MYO18B: variants seen among roughly 807,000 people sequenced by gnomAD.
The protein encoded by MYO18B is unconventional myosin-XVIIIb.
In MYO18B, 204 loss-of-function variants were observed where a neutral mutation model predicts 273.0. The observed-to-expected ratio is 0.75, with a 90% CI of 0.67 to 0.84. The LOEUF (loss-of-function observed/expected upper bound fraction) is 0.84. Ranked by LOEUF, MYO18B falls within the 40% of genes least tolerant of loss-of-function variation. MYO18B has a pLI of 0.00. For missense variants in MYO18B, 3,212 were observed against 3,287.6 expected (o/e 0.98, Z 0.56); for synonymous variants, 1,330 against 1,305.7 (o/e 1.02, Z -0.40).
At chr22:26,034,861 AG>A (rs1386347627), downstream of MYO18B, among the ~76,000 whole-genome samples, 1 of 152,254 alleles carries the variant, frequency 6.6e-6, no homozygotes, top group African/African-American at 2.4e-5. Flanking sequence ...AGCTGAGTTT[AG>A]AACTCAACAT....
intron 1 of MYO18B, among the ~76,000 whole-genome samples, chr22:25,754,418 G>A (rs1171490138): frequency 1.3e-5 from 2 of 152,156 alleles, no homozygotes; most frequent in Admixed American, 6.5e-5. Context: ...TATTCTATGA[G>A]ACAGGTGCTA....
intron 39 of MYO18B, among the ~76,000 whole-genome samples, chr22:25,956,960 G>A (rs942666510): frequency 6.6e-6 from 1 of 152,192 alleles, no homozygotes; most frequent in Non-Finnish European, 1.5e-5. Flanking sequence ...TGAGGGGGCA[G>A]TAAGGCACCG....
chr22:26,041,107 A>G, the MYO18B span, among the ~76,000 whole-genome samples: 1 of 152,232 alleles, frequency 6.6e-6, no homozygotes, highest in East Asian at 1.9e-4. Context: ...GTGGCCCAAC[A>G]GAAACTCATA....
At chr22:26,055,559 A>G in the MYO18B span, among the ~76,000 whole-genome samples, 4 of 152,194 alleles carry the variant, frequency 2.6e-5, no homozygotes, top group African/African-American at 9.7e-5. Flanking sequence ...ACTGGAGGGG[A>G]AAAGCCATCG....
chr22:26,025,537 G>C (rs1288547645), intron 42 of MYO18B, among the ~76,000 whole-genome samples: 1 of 152,172 alleles, frequency 6.6e-6, no homozygotes, highest in African/African-American at 2.4e-5. Context: ...CTTCAGGCCT[G>C]AGCCCACAGT....
At chr22:25,886,472 A>C (rs894747876) in intron 25 of MYO18B, among the ~76,000 whole-genome samples, 1 of 152,146 alleles carries the variant, frequency 6.6e-6, no homozygotes, top group Non-Finnish European at 1.5e-5. Context: ...CCCTGTATCT[A>C]CTGCCTCATT....
At chr22:25,939,020 G>T (rs532113505) in intron 34 of MYO18B, among the ~76,000 whole-genome samples, 1 of 152,294 alleles carries the variant, frequency 6.6e-6, no homozygotes, top group Admixed American at 6.5e-5. Flanking sequence ...TAGCTATGGT[G>T]CCTAGGCTGG....
intron 12 of MYO18B, among the ~76,000 whole-genome samples, chr22:25,817,819 T>TGATATGATACAA: frequency 6.6e-6 from 1 of 152,204 alleles, no homozygotes; most frequent in African/African-American, 2.4e-5. Context: ...TGATACAATA[T>TGATATGATACAA]TCATTTATTT....
At chr22:25,963,167 C>CTG (rs1555968895) in intron 39 of MYO18B, among the ~76,000 whole-genome samples, 1 of 147,702 alleles carries the variant, frequency 6.8e-6, no homozygotes, top group Admixed American at 6.8e-5. Flanking sequence ...TCTCCTCTCT[C>CTG]TCTCTCTCTC....
chr22:25,817,499 CTT>C (rs2089086827), intron 12 of MYO18B, among the ~76,000 whole-genome samples: 1 of 147,372 alleles, frequency 6.8e-6, no homozygotes, highest in South Asian at 2.2e-4. Flanking sequence ...TCTCATTTCT[CTT>C]TTGTTTGTTC....
At chr22:26,046,680 A>G in the MYO18B span, among the ~76,000 whole-genome samples, 3 of 152,218 alleles carry the variant, frequency 2.0e-5, no homozygotes, top group Non-Finnish European at 4.4e-5. Context: ...CCCAATAGCC[A>G]AAGCGATTTT....
intron 12 of MYO18B, among the ~76,000 whole-genome samples, chr22:25,811,618 C>T (rs563271792): frequency 3.3e-5 from 5 of 152,264 alleles, no homozygotes; most frequent in Admixed American, 2.0e-4. Context: ...GTTCTATGCC[C>T]TTTGCTTTTT....
intron 40 of MYO18B, among the ~76,000 whole-genome samples, chr22:25,996,914 T>G (rs1933313314): frequency 6.6e-6 from 1 of 152,138 alleles, no homozygotes; most frequent in Non-Finnish European, 1.5e-5. Flanking sequence ...TCTCCTACCT[T>G]TCTTCTCCTC....
At chr22:25,808,343 T>C (rs1396586237) in intron 12 of MYO18B, among the ~76,000 whole-genome samples, 1 of 152,184 alleles carries the variant, frequency 6.6e-6, no homozygotes, top group African/African-American at 2.4e-5. Context: ...TCACTTTTAA[T>C]TCTCACAGCA....
intron 29 of MYO18B, 115 bp downstream of exon 29, chr22:25,898,576 T>C: frequency 1.8e-6 from 2 of 1,126,012 alleles, no homozygotes; most frequent in Admixed American, 2.2e-5. Context: ...CTTGTTTTGC[T>C]CTAATCTTCC....
At chr22:25,878,461 A>G (rs1457921497) in intron 25 of MYO18B, among the ~76,000 whole-genome samples, 1 of 152,244 alleles carries the variant, frequency 6.6e-6, no homozygotes, top group Non-Finnish European at 1.5e-5. Context: ...GGAAAAGAGT[A>G]TCCAGAACAT....
At chr22:25,802,348 A>C (rs2088238618) in intron 12 of MYO18B, among the ~76,000 whole-genome samples, 1 of 152,170 alleles carries the variant, frequency 6.6e-6, no homozygotes, top group Non-Finnish European at 1.5e-5. Context: ...AAGCTCTCTG[A>C]ACCCCATCCT....
At chr22:25,863,943 G>A (rs1471991478) in intron 21 of MYO18B, among the ~76,000 whole-genome samples, 5 of 152,206 alleles carry the variant, frequency 3.3e-5, no homozygotes, top group Admixed American at 3.3e-4. Flanking sequence ...TTTCTGGCAT[G>A]TTTAAGGTCC....
chr22:25,760,847 CTGACAG>C, intron 1 of MYO18B, 131 bp from the exon 2 acceptor site: 1 of 563,174 alleles, frequency 1.8e-6, no homozygotes, highest in Non-Finnish European at 3.2e-6. Context: ...GCAGAGGTAG[CTGACAG>C]TGTCTGTACC....
Sources: allele counts gnomAD v4.1 joint callset (sites outside exome capture counted in the v4.1 genomes callset), GRCh38; gene constraint gnomAD v4.1.1; transcripts MANE v1.5; gene names NCBI Gene and HGNC (gene_info 2026-07-23, HGNC 2026-07-21).